DYTN: variants seen among roughly 807,000 people sequenced by gnomAD.
DYTN encodes the protein dystrotelin.
In DYTN, 75 loss-of-function variants were observed where a neutral mutation model predicts 69.6. The ratio of observed to expected loss-of-function variants is 1.08; its 90% CI spans 0.89 to 1.31. DYTN has a LOEUF of 1.31. DYTN is among the 50% of genes most tolerant of loss of function. The pLI is 0.00. For synonymous variants in DYTN, 252 were observed against 249.1 expected (o/e 1.01, Z -0.11); for missense variants, 726 against 688.4 (o/e 1.05, Z -0.61).
chr2:206,675,842 C>T (rs1180606922), intron 9 of DYTN, among the ~76,000 whole-genome samples: 1 of 152,166 alleles, frequency 6.6e-6, no homozygotes. Context: ...CTCATCATCA[C>T]TGGTCGTTAG....
At chr2:206,673,229 T>G (rs1443917900) in intron 9 of DYTN, among the ~76,000 whole-genome samples, 1 of 152,194 alleles carries the variant, frequency 6.6e-6, no homozygotes, top group African/African-American at 2.4e-5. Context: ...AACATTTTAC[T>G]GACATATGCA....
At chr2:206,658,753 A>G (rs574893820) in intron 11 of DYTN, among the ~76,000 whole-genome samples, 60 of 152,334 alleles carry the variant, frequency 3.9e-4, no homozygotes, top group African/African-American at 1.3e-3. Flanking sequence ...AAAAGCTATG[A>G]TAAGTGTTTT....
At chr2:206,677,273 T>G (rs1699700989) in intron 9 of DYTN, among the ~76,000 whole-genome samples, 1 of 152,210 alleles carries the variant, frequency 6.6e-6, no homozygotes, top group Non-Finnish European at 1.5e-5. Flanking sequence ...ATGTCAATTG[T>G]ATCTCAATAA....
intron 9 of DYTN, among the ~76,000 whole-genome samples, chr2:206,675,952 A>G (rs1699681770): frequency 6.6e-6 from 1 of 152,232 alleles, no homozygotes. Context: ...GAGGTTGTGG[A>G]GAAATAGGAA....
intron 3 of DYTN, among the ~76,000 whole-genome samples, chr2:206,706,653 T>C (rs1443117352): frequency 6.6e-6 from 1 of 152,128 alleles, no homozygotes; most frequent in African/African-American, 2.4e-5. Flanking sequence ...CACTATGATT[T>C]TTGAAAAGTT....
chr2:206,695,867 C>T (rs1462683005), intron 7 of DYTN, among the ~76,000 whole-genome samples: 1 of 152,146 alleles, frequency 6.6e-6, no homozygotes, highest in East Asian at 1.9e-4. Context: ...AGCTATAGTC[C>T]CTACCTGTCC....
At position 206,666,845 on chromosome 2, in the gene DYTN, G is replaced by T. The variant is rs377740201; in HGVS notation, c.981-816C>A. Among the ~76,000 whole-genome samples the T allele has an allele frequency of 7.6e-5, 10 of 132,298 alleles. No homozygotes were observed. In the East Asian group the frequency reaches 2.4e-3, roughly 32 times the overall value. The allele number at this position is 132,298 out of a possible 152,430, so 86.8% of individuals were successfully genotyped here. On this transcript the variant is annotated intron_variant, in intron 9 of 11. Transcript: ENST00000452335. ...AATTGAGACCAGCCTAGGCAACATG[G>T]CAAGACCTCATCTCTACACACACAC...
chr2:206,682,824 T>A (rs186789162), intron 9 of DYTN, among the ~76,000 whole-genome samples: 407 of 152,264 alleles, frequency 2.7e-3, no homozygotes, highest in Non-Finnish European at 4.0e-3. Context: ...AGCCTCCCCA[T>A]CTCGGTTGAT....
At chr2:206,675,278 T>TA (rs200701515) in intron 9 of DYTN, among the ~76,000 whole-genome samples, 20,170 of 146,554 alleles carry the variant, frequency 0.14, 2,356 homozygotes, top group African/African-American at 0.31. Flanking sequence ...TGTATGTATG[T>TA]TATATTTAAA....
chr2:206,670,292 G>A (rs991660541), intron 9 of DYTN, among the ~76,000 whole-genome samples: 2 of 152,096 alleles, frequency 1.3e-5, no homozygotes, highest in Admixed American at 6.6e-5. Flanking sequence ...GGTCATTTTT[G>A]TTATGCTTAA....
chr2:206,665,171 G>A (rs2105888819), intron 10 of DYTN, among the ~76,000 whole-genome samples: 1 of 152,292 alleles, frequency 6.6e-6, no homozygotes, highest in Non-Finnish European at 1.5e-5. Context: ...ATTGATTGCT[G>A]AAGTGGTTAC....
At chr2:206,683,310 C>G (rs139734436) in intron 9 of DYTN, among the ~76,000 whole-genome samples, 1 of 151,306 alleles carries the variant, frequency 6.6e-6, no homozygotes. Context: ...CATCTGCCCC[C>G]ACTTCCTCAC....
chr2:206,684,344 A>G (rs1051184244), intron 9 of DYTN, among the ~76,000 whole-genome samples: 4 of 152,014 alleles, frequency 2.6e-5, no homozygotes, highest in African/African-American at 9.7e-5. Context: ...TTGCTCTGTC[A>G]CCCAGGCTGG....
intron 7 of DYTN, 133 bp from the exon 8 acceptor site, chr2:206,695,010 T>A (rs1699906352): frequency 8.5e-6 from 5 of 586,162 alleles, no homozygotes; most frequent in Non-Finnish European, 1.4e-5. Flanking sequence ...AGTGTAAAGT[T>A]TCTCCCAAAC....
intron 7 of DYTN, among the ~76,000 whole-genome samples, chr2:206,698,037 G>T (rs1301885515): frequency 6.6e-6 from 1 of 152,154 alleles, no homozygotes; most frequent in Non-Finnish European, 1.5e-5. Context: ...ACCTAGGGCA[G>T]GACTTGCAGT....
At chr2:206,665,629 A>T (rs1699562011) in intron 10 of DYTN, among the ~76,000 whole-genome samples, 1 of 152,042 alleles carries the variant, frequency 6.6e-6, no homozygotes, top group Non-Finnish European at 1.5e-5. Context: ...CGCTATAAAG[A>T]ATCACTTTGC....
In DYTN at chr2:206,693,296, G is replaced by T. The variant is rs375843014; in HGVS notation, c.859C>A (p.Leu287Ile). 3.1e-6 allele frequency: 5 copies of T among 1,613,034 alleles called. No individual in the cohort carries two copies. In the South Asian group the frequency reaches 5.5e-5, roughly 18 times the overall value. The change falls in exon 9 of 12, where the codon CTC becomes ATC. Residue 287 changes from leucine to isoleucine, a missense_variant. By Grantham distance (5) the Leu-to-Ile change is conservative. Transcript: ENST00000452335. ...AGGTTGTTTCTGAGGGTCCTGAAGA[G>T]AAGTTTTGTATTCTGCATTGCTGAC... ...QMSAMQNTKLLFRTLRNNLLQ... is the reference protein window; with the variant it reads ...QMSAMQNTKLIFRTLRNNLLQ...
intron 1 of DYTN, among the ~76,000 whole-genome samples, chr2:206,713,109 T>C (rs1289973036): frequency 6.6e-6 from 1 of 152,250 alleles, no homozygotes; most frequent in Non-Finnish European, 1.5e-5. Flanking sequence ...TAATTTATTT[T>C]CATTTGTTTT....
chr2:206,710,798 C>A (rs1037507523), intron 1 of DYTN, among the ~76,000 whole-genome samples, 200 bp from the exon 2 acceptor site: 2 of 152,040 alleles, frequency 1.3e-5, no homozygotes, highest in African/African-American at 4.8e-5. Context: ...CCTAGTTCAC[C>A]TTCTCAGTCC....
Sources: allele counts gnomAD v4.1 joint callset (sites outside exome capture counted in the v4.1 genomes callset), GRCh38; gene constraint gnomAD v4.1.1; transcripts MANE v1.5; gene names NCBI Gene and HGNC (gene_info 2026-07-23, HGNC 2026-07-21).